Variants in MTUS2 observed in about 807,000 individuals in gnomAD.
The protein encoded by MTUS2 is microtubule associated scaffold protein 2, also known as microtubule-associated tumor suppressor candidate 2.
MTUS2 carries 40 observed loss-of-function variants against 114.1 expected under a neutral mutation model. That is an observed-to-expected ratio of 0.35 (90% CI 0.27 to 0.46). The LOEUF is 0.46. Among genes scored for constraint, MTUS2 ranks in the 20% least tolerant of loss-of-function variants. The pLI is 1.00. For missense variants in MTUS2, 1,679 were observed against 1,705.4 expected (o/e 0.98, Z 0.27); for synonymous variants, 688 against 672.0 (o/e 1.02, Z -0.37).
chr13:29,490,333 A>G (rs949498458), intron 11 of MTUS2, among the ~76,000 whole-genome samples: 1 of 152,234 alleles, frequency 6.6e-6, no homozygotes, highest in Non-Finnish European at 1.5e-5. Context: ...CACGCCACCC[A>G]GAATGGTAAT....
intron 2 of MTUS2, among the ~76,000 whole-genome samples, chr13:29,018,241 T>C (rs559974743): frequency 2.6e-5 from 4 of 152,220 alleles, no homozygotes; most frequent in East Asian, 1.9e-4. Context: ...CCAGTGCTCA[T>C]TGGACCTTGA....
At chr13:29,430,822 A>G (rs764382372) in intron 8 of MTUS2, among the ~76,000 whole-genome samples, 1 of 152,216 alleles carries the variant, frequency 6.6e-6, no homozygotes, top group Non-Finnish European at 1.5e-5. Flanking sequence ...TTCCAACTTC[A>G]AACTCTAGAA....
In MTUS2 at chr13:29,460,430, C is replaced by T. The variant is rs12584111; in HGVS notation, c.3185-19720C>T. Among the ~76,000 whole-genome samples, 7 of 152,060 alleles carry T rather than the reference C, an allele frequency of 4.6e-5. No homozygotes were observed. The East Asian group carries it at 1.2e-3, about 25-fold the overall frequency. On this transcript the variant is annotated intron_variant, in intron 9 of 15. Coordinates refer to ENST00000612955, the MANE Select transcript of MTUS2 (RefSeq NM_001033602.4). ...CACTGTCCTAAAGCGCAGGCATCAG[C>T]AACTTGTTCTTGTTTTTCAGCTCTC...
At chr13:28,887,523 GT>G (rs1240759893) in intron 2 of MTUS2, among the ~76,000 whole-genome samples, 1 of 152,190 alleles carries the variant, frequency 6.6e-6, no homozygotes, top group Non-Finnish European at 1.5e-5. Flanking sequence ...ATGGTTTTGG[GT>G]TTCCTAAGCC....
intron 2 of MTUS2, among the ~76,000 whole-genome samples, chr13:28,852,532 T>C (rs943455285): frequency 6.6e-6 from 1 of 152,162 alleles, no homozygotes; most frequent in African/African-American, 2.4e-5. Context: ...TAAAAATATA[T>C]TTGTTTCTGA....
chr13:29,012,684 T>C (rs8001303), intron 2 of MTUS2, among the ~76,000 whole-genome samples: 72,270 of 151,616 alleles, frequency 0.48, 17,665 homozygotes, highest in South Asian at 0.72. Context: ...CCATCCTGGC[T>C]AACACGGTGC....
intron 8 of MTUS2, among the ~76,000 whole-genome samples, chr13:29,400,958 G>C (rs775757996): frequency 1.3e-5 from 2 of 152,130 alleles, no homozygotes; most frequent in Admixed American, 6.5e-5. Context: ...GCCTAGCGTT[G>C]TGTCTATTGT....
At chr13:28,937,517 G>C (rs9550424) in intron 2 of MTUS2, among the ~76,000 whole-genome samples, 33,883 of 151,920 alleles carry the variant, frequency 0.22, 4,001 homozygotes, top group East Asian at 0.44. Flanking sequence ...TTGGGTCCCT[G>C]CTCTCTTTAA....
intron 2 of MTUS2, among the ~76,000 whole-genome samples, chr13:28,975,815 A>C (rs866946311): frequency 1.3e-5 from 2 of 152,298 alleles, no homozygotes; most frequent in Middle Eastern, 3.4e-3. Flanking sequence ...TGCTTTCCAT[A>C]CCAGTTCATT....
chr13:29,105,077 A>G (rs1037065727), intron 5 of MTUS2, among the ~76,000 whole-genome samples: 1 of 152,208 alleles, frequency 6.6e-6, no homozygotes, highest in Non-Finnish European at 1.5e-5. Context: ...GCCCATGGGA[A>G]ATAGTCACTG....
chr13:29,375,574 CATATATAT>C (rs1275157922), intron 8 of MTUS2, among the ~76,000 whole-genome samples: 1 of 3,196 alleles, frequency 3.1e-4, no homozygotes, highest in Admixed American at 4.3e-3. Flanking sequence ...TATATATATA[CATATATAT>C]ATATACGTAT....
At chr13:29,262,403 CCT>C (rs1408624450) in intron 5 of MTUS2, among the ~76,000 whole-genome samples, 4 of 151,966 alleles carry the variant, frequency 2.6e-5, no homozygotes, top group African/African-American at 7.3e-5. Flanking sequence ...CCATATTTCC[CCT>C]GTTTCCTGAA....
At chr13:29,451,538 G>C (rs763228888) in intron 9 of MTUS2, among the ~76,000 whole-genome samples, 2 of 151,852 alleles carry the variant, frequency 1.3e-5, no homozygotes, top group Non-Finnish European at 2.9e-5. Flanking sequence ...GAGGTGAGGA[G>C]TATTATTTGA....
At chr13:29,122,228 A>G (rs953896651) in intron 5 of MTUS2, among the ~76,000 whole-genome samples, 1 of 152,140 alleles carries the variant, frequency 6.6e-6, no homozygotes, top group Non-Finnish European at 1.5e-5. Flanking sequence ...GCCTTAAAAG[A>G]CAGGAGGCTT....
chr13:29,418,663 C>A (rs970789768), intron 8 of MTUS2, among the ~76,000 whole-genome samples: 1 of 152,198 alleles, frequency 6.6e-6, no homozygotes, highest in East Asian at 1.9e-4. Context: ...TTCAGATACC[C>A]CCGCTGCATT....
At chr13:29,289,109 GGGGCACT>G (rs913677624) in intron 6 of MTUS2, among the ~76,000 whole-genome samples, 9 of 152,168 alleles carry the variant, frequency 5.9e-5, no homozygotes, top group Non-Finnish European at 1.3e-4. Context: ...TTTTGGTTCA[GGGGCACT>G]GATGCTCATC....
At chr13:28,833,472 A>C (rs923546709) in intron 1 of MTUS2, among the ~76,000 whole-genome samples, 1 of 152,096 alleles carries the variant, frequency 6.6e-6, no homozygotes, top group Non-Finnish European at 1.5e-5. Context: ...TAATCATCTT[A>C]ATAGAAACAA....
At chr13:29,132,777 A>G (rs985710632) in intron 5 of MTUS2, among the ~76,000 whole-genome samples, 2 of 152,214 alleles carry the variant, frequency 1.3e-5, no homozygotes, top group African/African-American at 2.4e-5. Context: ...GGTTGCTTCC[A>G]CATTTTAGCT....
chr13:29,189,038 A>G (rs994611310), intron 5 of MTUS2, among the ~76,000 whole-genome samples: 2 of 152,224 alleles, frequency 1.3e-5, no homozygotes, highest in Non-Finnish European at 2.9e-5. Context: ...CTGGGATAAG[A>G]AGTAGATCAG....
Sources: gnomAD v4.1 joint callset for allele counts (sites outside exome capture counted in the v4.1 genomes callset) on GRCh38, gnomAD v4.1.1 for gene constraint, MANE v1.5 for transcripts, NCBI Gene and HGNC (gene_info 2026-07-23, HGNC 2026-07-21) for gene names.